The following MRPL30 variants were observed in gnomAD, a reference collection of about 807,000 sequenced individuals.
MRPL30 encodes the protein large ribosomal subunit protein uL30m.
In MRPL30, 10 loss-of-function variants were observed where a neutral mutation model predicts 17.2. That is an observed-to-expected ratio of 0.58 (90% confidence interval 0.36 to 0.99). The LOEUF (loss-of-function observed/expected upper bound fraction) is 0.99. Ranked by LOEUF, MRPL30 falls within the 50% of genes least tolerant of loss-of-function variation. The pLI, the probability that MRPL30 is intolerant of heterozygous loss-of-function variation, is 0.01. For missense variants in MRPL30, 170 were observed against 189.8 expected (o/e 0.90, Z 0.61); for synonymous variants, 61 against 62.1 (o/e 0.98, Z 0.08).
At position 99,197,881 on chromosome 2, in the gene MRPL30, T is replaced by C. The variant is rs115534113; in HGVS notation, c.*2176T>C. Among the ~76,000 whole-genome samples, 4,930 of 152,248 alleles carry C rather than the reference T, an allele frequency of 0.032. 123 individuals carry two copies. Among genetic ancestry groups the C allele is most frequent in the African/African-American group, 0.077 (3,180 of 41,544 alleles). On this transcript the variant is annotated 3_prime_UTR_variant, in exon 6 of 6. Transcript: ENST00000338148. ...CTGATCTGGAGCTTCTAATCTCAAATGATTCTCCTGCCTCAGCCTCCCAAA... is the reference window on the plus strand; with the variant it reads ...CTGATCTGGAGCTTCTAATCTCAAACGATTCTCCTGCCTCAGCCTCCCAAA...
intron 3 of MRPL30, among the ~76,000 whole-genome samples, chr2:99,190,933 G>A (rs1248164473): frequency 6.6e-6 from 1 of 152,024 alleles, no homozygotes; most frequent in Admixed American, 6.6e-5. Flanking sequence ...AAATAAATGT[G>A]CAAGGCAGTG....
intron 1 of MRPL30, among the ~76,000 whole-genome samples, chr2:99,185,158 A>C (rs1267785487): frequency 6.6e-6 from 1 of 152,146 alleles, no homozygotes; most frequent in Non-Finnish European, 1.5e-5. Flanking sequence ...TCCTTATAAG[A>C]ATCTAATGCC....
intron 5 of MRPL30, 134 bp from the exon 6 acceptor site, chr2:99,195,439 T>C (rs1192619673): frequency 1.0e-5 from 11 of 1,067,096 alleles, no homozygotes; most frequent in Non-Finnish European, 1.4e-5. Context: ...TACCATTTCT[T>C]CATGTTGGGA....
chr2:99,197,449 TC>T lies in MRPL30; in HGVS notation c.*1746del, dbSNP rs776856395. The stretch of plus-strand genomic sequence containing the variant: ...GCTTAAAGGCAACTGCAGTTTTAAT[TC>T]CATAGTTATTGAATATCCAGTGTGT... On this transcript the variant is annotated 3_prime_UTR_variant, in exon 6 of 6. Transcript: ENST00000338148. The T allele has an allele frequency of 6.6e-5, 10 of 152,156 alleles. No homozygotes were observed. The highest frequency in any genetic ancestry group is 1.2e-4 in the Non-Finnish European group (8 of 68,030). The allele number at this position is 152,156 out of a possible 1,614,324, so 9.4% of individuals were successfully genotyped here. A position where few individuals can be genotyped will look rare whatever the true frequency, so the allele number is the denominator to read the frequency against.
chr2:99,195,668 A>G lies in MRPL30; in HGVS notation c.449A>G (p.His150Arg), dbSNP rs779047018. 1.9e-6 allele frequency: 3 copies of G among 1,613,634 alleles called. No homozygotes were observed. Among genetic ancestry groups the G allele is most frequent in the East Asian group, 2.2e-5 (1 of 44,820 alleles). The change falls in exon 6 of 6, where the codon CAT (histidine) becomes CGT (arginine). Residue 150 changes from histidine to arginine, a missense_variant. Physicochemically the swap from His to Arg is conservative, Grantham distance 29. Coordinates refer to ENST00000338148, the MANE Select transcript of MRPL30 (RefSeq NM_145212.4). The stretch of plus-strand genomic sequence containing the variant: ...ACTGGGGAGTTAGTAGTGCAGTGGC[A>G]TCTGAAACCTGTGGAGCAGAAAGCA... The part of the protein sequence containing the change: ...KSTGELVVQW[H>R]LKPVEQKAHE...
rs1449684448 is a variant in MRPL30 at position 99,198,503 on chromosome 2, T to A, written c.*2798T>A. On this transcript the variant is annotated 3_prime_UTR_variant, in exon 6 of 6. Transcript: ENST00000338148. ...ATGCAATCATGTGCCTCGTGTCACC[T>A]TTTTTGCATTCCATTCATTAAGAAC... Among the ~76,000 whole-genome samples the A allele has an allele frequency of 6.6e-6, 1 of 152,170 alleles. No individual in the cohort carries two copies. The highest frequency in any genetic ancestry group is 6.6e-5 in the Admixed American group (1 of 15,244).
Position 99,198,343 on chromosome 2 carries a change from C to T in MRPL30, c.*2638C>T, listed in dbSNP as rs2093958373. Among the ~76,000 whole-genome samples, 2 of 152,208 alleles carry T rather than the reference C, an allele frequency of 1.3e-5. No individual in the cohort carries two copies. The highest frequency in any genetic ancestry group is 1.3e-4 in the Admixed American group (2 of 15,282). On this transcript the variant is annotated 3_prime_UTR_variant, in exon 6 of 6. Coordinates refer to ENST00000338148, the MANE Select transcript of MRPL30 (RefSeq NM_145212.4). ...GTAGCTTTGACAGGGAAGGGATCTG[C>T]TCCCAAGCACTCTCAGGTTGTTGGC...
intron 3 of MRPL30, among the ~76,000 whole-genome samples, chr2:99,189,376 A>G (rs2093940139): frequency 6.6e-6 from 1 of 152,230 alleles, no homozygotes; most frequent in Non-Finnish European, 1.5e-5. Context: ...AGAATGTAAT[A>G]TAGCTGAAAT....
intron 1 of MRPL30, chr2:99,185,624 C>CA (rs550725103): frequency 5.6e-4 from 163 of 289,024 alleles, no homozygotes; most frequent in South Asian, 1.5e-3. Flanking sequence ...TACAAACAAG[C>CA]AAAAAAAATT....
In MRPL30 at chr2:99,199,486, T is replaced by C. The variant is rs1042659225; in HGVS notation, c.*3781T>C. Among the ~76,000 whole-genome samples the C allele has an allele frequency of 6.6e-6, 1 of 152,212 alleles. No individual in the cohort carries two copies. Among genetic ancestry groups the C allele is most frequent in the African/African-American group, 2.4e-5 (1 of 41,452 alleles). ...TGTCTTTGGATATTATTTCTGTTTATTTTTTGCCTCAAAATTATTAAATGA... is the reference window on the plus strand; with the variant it reads ...TGTCTTTGGATATTATTTCTGTTTACTTTTTGCCTCAAAATTATTAAATGA... On this transcript the variant is annotated 3_prime_UTR_variant, in exon 6 of 6. Transcript: ENST00000338148.
chr2:99,192,047 CTCTTAA>C (rs1448864469), intron 3 of MRPL30, among the ~76,000 whole-genome samples: 2 of 152,126 alleles, frequency 1.3e-5, no homozygotes, highest in Non-Finnish European at 2.9e-5. Context: ...CCAAAAAATA[CTCTTAA>C]TCTTACCCAC....
At chr2:99,193,035 C>G (rs2093949523) in intron 3 of MRPL30, among the ~76,000 whole-genome samples, 1 of 152,164 alleles carries the variant, frequency 6.6e-6, no homozygotes, top group African/African-American at 2.4e-5. Context: ...TCAGAGTGAG[C>G]AGGCAACCTA....
chr2:99,181,787 A>G (rs1050769145), intron 1 of MRPL30, among the ~76,000 whole-genome samples: 1 of 152,152 alleles, frequency 6.6e-6, no homozygotes, highest in African/African-American at 2.4e-5. Context: ...AAGAGGCAGT[A>G]ATGAGGGCTG....
chr2:99,184,494 C>T (rs536985015), intron 1 of MRPL30, among the ~76,000 whole-genome samples: 3 of 152,294 alleles, frequency 2.0e-5, no homozygotes, highest in South Asian at 4.1e-4. Context: ...TAGCCTTCCC[C>T]TCTTGCTTAT....
chr2:99,194,009 G>A (rs2093951174), intron 3 of MRPL30, among the ~76,000 whole-genome samples: 1 of 145,208 alleles, frequency 6.9e-6, no homozygotes, highest in South Asian at 2.2e-4. Context: ...TTGCACTCCA[G>A]CCTGGGCGAT....
At position 99,194,673 on chromosome 2, in the gene MRPL30, G is replaced by T; in HGVS notation, c.133-78G>T. 4 of 1,304,352 alleles carry T rather than the reference G, an allele frequency of 3.1e-6. No homozygotes were observed. The South Asian group carries it at 4.1e-5, about 13-fold the overall frequency. The allele number at this position is 1,304,352 out of a possible 1,614,324, so 80.8% of individuals were successfully genotyped here. Reference sequence around the variant, plus strand: ...ATTATGTAGTTGTGTATGTGTGTGTGTCTTTTAAGAAAAAATGGGAGGTAC... The same window carrying T: ...ATTATGTAGTTGTGTATGTGTGTGTTTCTTTTAAGAAAAAATGGGAGGTAC... On this transcript the variant is annotated intron_variant, in intron 3 of 5. Coordinates refer to ENST00000338148, the MANE Select transcript of MRPL30 (RefSeq NM_145212.4).
At position 99,197,934 on chromosome 2, in the gene MRPL30, A is replaced by T. The variant is rs926725192; in HGVS notation, c.*2229A>T. Among the ~76,000 whole-genome samples the T allele has an allele frequency of 2.0e-5, 3 of 152,186 alleles. No individual in the cohort carries two copies. The highest frequency in any genetic ancestry group is 7.2e-5 in the African/African-American group (3 of 41,444). On this transcript the variant is annotated 3_prime_UTR_variant, in exon 6 of 6. Transcript: ENST00000338148. The stretch of plus-strand genomic sequence containing the variant: ...GCTGGGAATACAGGTGTGAGCCACC[A>T]TACCTGGCCTTACTGTACTAATATT...
intron 2 of MRPL30, chr2:99,186,957 C>T (rs537743873): frequency 1.3e-5 from 2 of 152,380 alleles, no homozygotes; most frequent in African/African-American, 4.8e-5. Flanking sequence ...GCCTAATCTG[C>T]TCATAAGGGC....
At chr2:99,188,902 T>G (rs180861046) in intron 3 of MRPL30, among the ~76,000 whole-genome samples, 1,631 of 152,370 alleles carry the variant, frequency 0.011, 10 homozygotes, top group Middle Eastern at 0.027. Context: ...GGTTTCATCA[T>G]GTTGCCCAGG....
Sources: gnomAD v4.1 joint callset for allele counts (sites outside exome capture counted in the v4.1 genomes callset) on GRCh38, gnomAD v4.1.1 for gene constraint, MANE v1.5 for transcripts, NCBI Gene and HGNC (gene_info 2026-07-23, HGNC 2026-07-21) for gene names.